The following RNF13 variants were observed in gnomAD, a reference collection of about 807,000 sequenced individuals.
The protein encoded by RNF13 is ring finger protein 13, also known as E3 ubiquitin-protein ligase RNF13.
RNF13 carries 19 observed loss-of-function variants against 37.7 expected under a neutral mutation model. The ratio of observed to expected loss-of-function variants is 0.50; its 90% CI spans 0.35 to 0.74. The LOEUF is 0.74. RNF13 is among the 30% of genes least tolerant of loss of function. The pLI is 0.01. For missense variants in RNF13, 375 were observed against 453.0 expected (o/e 0.83, Z 1.56); for synonymous variants, 144 against 157.8 (o/e 0.91, Z 0.65).
In RNF13 at chr3:149,853,962, G is replaced by A. The variant is rs113357991; in HGVS notation, c.195+1366G>A. Among the ~76,000 whole-genome samples, 1,169 of 150,440 alleles carry A rather than the reference G, an allele frequency of 7.8e-3. 17 individuals are homozygous for A. Among genetic ancestry groups the A allele is most frequent in the African/African-American group, 0.027 (1,114 of 40,926 alleles). ...AGTGATCCTCCCACCTCAACCTCCC[G>A]AGTGGCTGAGACTAAGTGGGCACCA... On this transcript the variant is annotated intron_variant, in intron 3 of 9. Coordinates refer to ENST00000392894, the MANE Select transcript of RNF13 (RefSeq NM_183381.3).
intron 4 of RNF13, among the ~76,000 whole-genome samples, chr3:149,874,160 A>AT (rs1712419568): frequency 6.6e-6 from 1 of 152,094 alleles, no homozygotes; most frequent in South Asian, 2.1e-4. Flanking sequence ...TAACTTGGTT[A>AT]TTTTTTCCTC....
intron 4 of RNF13, among the ~76,000 whole-genome samples, chr3:149,876,965 A>G (rs1051982241): frequency 1.3e-5 from 2 of 151,710 alleles, no homozygotes; most frequent in African/African-American, 4.8e-5. Flanking sequence ...TTTTTAGTAG[A>G]GATGGTATTT....
intron 1 of RNF13, among the ~76,000 whole-genome samples, chr3:149,816,956 AT>A (rs1177518767): frequency 6.6e-6 from 1 of 152,148 alleles, no homozygotes; most frequent in Non-Finnish European, 1.5e-5. Flanking sequence ...CCTAGGACAA[AT>A]TTTTGGGAGG....
At chr3:149,828,682 T>C (rs1720734082) in intron 1 of RNF13, among the ~76,000 whole-genome samples, 1 of 152,152 alleles carries the variant, frequency 6.6e-6, no homozygotes, top group Non-Finnish European at 1.5e-5. Flanking sequence ...CTCTCTCTTT[T>C]TTTTTCTTCT....
Position 149,823,483 on chromosome 3 carries a change from A to T in RNF13, c.-17+10130A>T, listed in dbSNP as rs115476027. Reference sequence around the variant, plus strand: ...TCTGGAAAGCAATTGGGCAATATGTATGAAGTCTTAAAATGTTTCTTTGGT... The same window carrying T: ...TCTGGAAAGCAATTGGGCAATATGTTTGAAGTCTTAAAATGTTTCTTTGGT... On this transcript the variant is annotated intron_variant, in intron 1 of 9. Transcript: ENST00000392894. Among the ~76,000 whole-genome samples, 685 of 152,324 alleles carry T rather than the reference A, an allele frequency of 4.5e-3. 7 individuals are homozygous for T. The highest frequency in any genetic ancestry group is 0.016 in the African/African-American group (655 of 41,582).
chr3:149,866,032 A>G (rs1352112419), intron 3 of RNF13, among the ~76,000 whole-genome samples: 1 of 148,428 alleles, frequency 6.7e-6, no homozygotes, highest in East Asian at 2.0e-4. Flanking sequence ...AAGGGGTGGG[A>G]TTATTTCTGC....
intron 8 of RNF13, 181 bp from the exon 9 acceptor site, chr3:149,959,868 ACTAGTTT>A (rs1722211506): frequency 6.9e-6 from 3 of 431,988 alleles, no homozygotes; most frequent in Non-Finnish European, 1.2e-5. Flanking sequence ...TCAATTTTTA[ACTAGTTT>A]AGGTAAAATG....
chr3:149,852,408 A>G (rs758606146), intron 2 of RNF13, 108 bp from the exon 3 acceptor site: 8 of 474,484 alleles, frequency 1.7e-5, no homozygotes, highest in Non-Finnish European at 2.6e-5. Context: ...AAGCTGTGAT[A>G]GTAATCAGAA....
chr3:149,877,926 A>G (rs1712934812), intron 4 of RNF13, among the ~76,000 whole-genome samples: 1 of 152,160 alleles, frequency 6.6e-6, no homozygotes, highest in South Asian at 2.1e-4. Flanking sequence ...ATTGGTAAAT[A>G]TACTTGCATT....
chr3:149,822,372 T>C (rs1056431078), intron 1 of RNF13: 2 of 152,170 alleles, frequency 1.3e-5, no homozygotes, highest in Non-Finnish European at 2.9e-5. Context: ...CTGGGTATTG[T>C]ATTCATTTGG....
intron 3 of RNF13, among the ~76,000 whole-genome samples, chr3:149,857,309 T>A (rs1392239936): frequency 6.6e-6 from 1 of 152,200 alleles, no homozygotes; most frequent in Non-Finnish European, 1.5e-5. Flanking sequence ...ATTATTCAAG[T>A]ATAAGAAAAT....
chr3:149,836,368 T>C (rs1283341680), intron 1 of RNF13, among the ~76,000 whole-genome samples: 1 of 152,020 alleles, frequency 6.6e-6, no homozygotes, highest in Non-Finnish European at 1.5e-5. Flanking sequence ...CACTAATCAT[T>C]GGGGAAGTGC....
chr3:149,945,203 G>T (rs2108588709), intron 8 of RNF13, among the ~76,000 whole-genome samples: 1 of 152,304 alleles, frequency 6.6e-6, no homozygotes, highest in Admixed American at 6.5e-5. Flanking sequence ...TGCTGTTTTG[G>T]TTACTGTAGC....
intron 4 of RNF13, 66 bp from the exon 5 acceptor site, chr3:149,895,407 A>C (rs1715137034): frequency 1.1e-6 from 1 of 937,244 alleles, no homozygotes; most frequent in African/African-American, 1.7e-5. Flanking sequence ...TTTTATAATC[A>C]ATTGTAAAAG....
intron 1 of RNF13, among the ~76,000 whole-genome samples, chr3:149,826,210 A>G (rs1318644404): frequency 1.3e-5 from 2 of 152,210 alleles, no homozygotes. Context: ...TGGCATCACA[A>G]TTAATTAAGC....
At chr3:149,949,024 T>C (rs1295199280) in intron 8 of RNF13, among the ~76,000 whole-genome samples, 1 of 151,184 alleles carries the variant, frequency 6.6e-6, no homozygotes, top group East Asian at 1.9e-4. Flanking sequence ...CCAGACCCTG[T>C]CTAGAAAAAA....
chr3:149,943,623 A>G (rs1720491135), intron 8 of RNF13, among the ~76,000 whole-genome samples: 2 of 152,148 alleles, frequency 1.3e-5, no homozygotes, highest in African/African-American at 4.8e-5. Context: ...GTCCATCATT[A>G]TAGTATCACA....
chr3:149,960,957 G>C lies in RNF13; in HGVS notation c.999G>C (p.Gln333His), dbSNP rs1367475703. 1.2e-6 allele frequency: 2 copies of C among 1,614,176 alleles called. No homozygotes were observed. The highest frequency in any genetic ancestry group is 1.7e-6 in the Non-Finnish European group (2 of 1,180,022). ...CTTTATCGGAATCCCGCTCACATCA[G>C]AACATGACAGAATCTTCAGACTATG... is the stretch of plus-strand genomic sequence containing the variant. ...FGALSESRSH[Q>H]NMTESSDYEE... is the part of the protein sequence containing the mutation. The change falls in exon 10 of 10, where the codon CAG (glutamine) becomes CAC (histidine). Residue 333 changes from glutamine (Q) to histidine (H), a missense_variant. By Grantham distance (24) the Gln-to-His change is conservative. Transcript: ENST00000392894.
chr3:149,948,148 A>G (rs554117782), intron 8 of RNF13, among the ~76,000 whole-genome samples: 1 of 151,996 alleles, frequency 6.6e-6, no homozygotes, highest in South Asian at 2.1e-4. Context: ...ATGGGGTTTC[A>G]CCATGCTGGC....
Sources: gnomAD v4.1 joint callset for allele counts (sites outside exome capture counted in the v4.1 genomes callset) on GRCh38, gnomAD v4.1.1 for gene constraint, MANE v1.5 for transcripts, NCBI Gene and HGNC (gene_info 2026-07-23, HGNC 2026-07-21) for gene names.